ADAMTSL1: variants seen among roughly 807,000 people sequenced by gnomAD.
ADAMTSL1 encodes the protein ADAMTS like 1, also known as ADAMTS-like protein 1.
Under a neutral mutation model 201.8 loss-of-function variants are expected in ADAMTSL1, and 126 were observed. The observed-to-expected ratio is 0.62, with a 90% confidence interval of 0.54 to 0.72. The LOEUF is 0.72. Among genes scored for constraint, ADAMTSL1 ranks in the 30% least tolerant of loss-of-function variants. ADAMTSL1 has a pLI of 0.00. For synonymous variants in ADAMTSL1, 1,121 were observed against 903.4 expected (o/e 1.24, Z -4.32); for missense variants, 2,679 against 2,277.8 (o/e 1.18, Z -3.59).
At chr9:18,066,340 T>G (rs1366588987) in intron 1 of ADAMTSL1, among the ~76,000 whole-genome samples, 1 of 152,136 alleles carries the variant, frequency 6.6e-6, no homozygotes, top group African/African-American at 2.4e-5. Context: ...TAGTGTTCAG[T>G]TACATAGAGA....
chr9:18,675,690 G>C (rs1830093897), intron 9 of ADAMTSL1, among the ~76,000 whole-genome samples, 167 bp from the exon 10 acceptor site: 1 of 151,992 alleles, frequency 6.6e-6, no homozygotes, highest in Admixed American at 6.6e-5. Context: ...CCATCCTAAA[G>C]CATATCCTGG....
At chr9:18,652,958 G>A (rs903990146) in intron 7 of ADAMTSL1, among the ~76,000 whole-genome samples, 2 of 152,184 alleles carry the variant, frequency 1.3e-5, no homozygotes, top group African/African-American at 4.8e-5. Flanking sequence ...TTCTTGAGAG[G>A]AAAAGTTTAA....
chr9:18,141,180 C>T (rs139392396), intron 1 of ADAMTSL1, among the ~76,000 whole-genome samples: 198 of 152,250 alleles, frequency 1.3e-3, no homozygotes, highest in African/African-American at 4.5e-3. Flanking sequence ...CAGGTGGACA[C>T]GGTTTACCTT....
Position 18,503,419 on chromosome 9 carries a change from G to GTATATATATATATATATATATATA in ADAMTSL1, c.64-1409_64-1408insATATATATATATATATATATATAT, listed in dbSNP as rs1206500089. ...TTTTAAGGCTGAATAGTATTCCATT[G>GTATATATATATATATATATATATA]TGTATATATATATATATATATACCA... On this transcript the variant is annotated intron_variant, in intron 1 of 28. Transcript: ENST00000380548. 1.9e-3 allele frequency among the ~76,000 whole-genome samples: 111 copies of GTATATATATATATATATATATATA among 58,222 alleles called. 1 individual carries two copies. The highest frequency in any genetic ancestry group is 6.1e-3 in the African/African-American group (106 of 17,370). The allele number at this position is 58,222 out of a possible 152,430, so 38.2% of individuals were successfully genotyped here.
At chr9:18,212,551 T>G (rs1668798101) in intron 2 of ADAMTSL1, among the ~76,000 whole-genome samples, 1 of 152,162 alleles carries the variant, frequency 6.6e-6, no homozygotes, top group African/African-American at 2.4e-5. Flanking sequence ...CAGGCTGAAG[T>G]GTAGTTTTAA....
chr9:18,013,281 G>A (rs914000569), intron 1 of ADAMTSL1, among the ~76,000 whole-genome samples: 1 of 152,012 alleles, frequency 6.6e-6, no homozygotes, highest in Non-Finnish European at 1.5e-5. Flanking sequence ...AAGCCTAACA[G>A]AAATTTGACT....
intron 1 of ADAMTSL1, among the ~76,000 whole-genome samples, chr9:18,125,366 A>G (rs550197150): frequency 3.9e-5 from 6 of 152,260 alleles, no homozygotes; most frequent in African/African-American, 9.6e-5. Context: ...TCCCACGACC[A>G]TGTGGGAGTT....
chr9:17,978,183 T>C (rs1418320109), intron 1 of ADAMTSL1, among the ~76,000 whole-genome samples: 2 of 152,118 alleles, frequency 1.3e-5, no homozygotes, highest in Admixed American at 6.6e-5. Flanking sequence ...TTTATCCATG[T>C]GTGTCCTTAA....
intron 1 of ADAMTSL1, among the ~76,000 whole-genome samples, chr9:17,993,065 C>T (rs1241797152): frequency 1.3e-5 from 2 of 152,052 alleles, no homozygotes; most frequent in African/African-American, 2.4e-5. Flanking sequence ...ATGCTGTGTT[C>T]AAAAATGACA....
rs368569922 is a variant in ADAMTSL1, at chr9:18,074,511, C to CTTTTCTTTTCTTTTCTTTTCTT, written c.88-89349_88-89348insTTCTTTTCTTTTCTTTTCTTTT. Among the ~76,000 whole-genome samples, 810 of 93,562 alleles carry CTTTTCTTTTCTTTTCTTTTCTT rather than the reference C, an allele frequency of 8.7e-3. 20 individuals carry two copies. The highest frequency in any genetic ancestry group is 0.011 in the Admixed American group (108 of 9,990). 61.4% of individuals were successfully genotyped at this position (93,562 alleles called of 152,430 possible). A position where few individuals can be genotyped will look rare whatever the true frequency, so the allele number is the denominator to read the frequency against. On this transcript the variant is annotated intron_variant, in intron 1 of 29. Coordinates refer to the ADAMTSL1 transcript ENST00000680146. ...CTTTTCTTTTCTTTTCTTTTCTTTT[C>CTTTTCTTTTCTTTTCTTTTCTT]TTCTTTTCTTTTCTTTTCTTTTCTT...
intron 3 of ADAMTSL1, among the ~76,000 whole-genome samples, chr9:18,568,294 A>T (rs772624967): frequency 3.3e-5 from 5 of 152,214 alleles, no homozygotes; most frequent in Non-Finnish European, 7.3e-5. Context: ...TAAAAGATAC[A>T]GAAAGCCAAG....
intron 2 of ADAMTSL1, among the ~76,000 whole-genome samples, chr9:18,240,638 G>A (rs56290103): frequency 0.033 from 5,097 of 152,220 alleles, 130 homozygotes; most frequent in Non-Finnish European, 0.054. Flanking sequence ...TCTTCTTTCA[G>A]TATAAGATAT....
In ADAMTSL1 at chr9:18,712,615, A is replaced by G. The variant is rs1832683768; in HGVS notation, c.1876+5567A>G. ...GGGACTATGTGAAAAGACCAAATCT[A>G]TGTCTGATTGGTGTACCTGAAAGTG... is the stretch of plus-strand genomic sequence containing the variant. On this transcript the variant is annotated intron_variant, in intron 14 of 28. Coordinates refer to ENST00000380548, the MANE Select transcript of ADAMTSL1 (RefSeq NM_001040272.6). Among the ~76,000 whole-genome samples, 3 of 151,596 alleles carry G rather than the reference A, an allele frequency of 2.0e-5. No homozygotes were observed. The South Asian group carries it at 6.3e-4, about 32-fold the overall frequency.
intron 2 of ADAMTSL1, among the ~76,000 whole-genome samples, chr9:18,198,965 T>G (rs866214443): frequency 7.1e-6 from 1 of 140,818 alleles, no homozygotes; most frequent in African/African-American, 2.6e-5. Flanking sequence ...TGCAGGGACA[T>G]GGATGACATT....
intron 1 of ADAMTSL1, among the ~76,000 whole-genome samples, chr9:18,089,614 A>T (rs1823918866): frequency 1.3e-5 from 2 of 152,162 alleles, no homozygotes; most frequent in South Asian, 4.1e-4. Flanking sequence ...TTAATAAAAA[A>T]GGAAAAGTAT....
At chr9:18,167,420 TGGA>T (rs1341428020) in intron 2 of ADAMTSL1, among the ~76,000 whole-genome samples, 1 of 151,920 alleles carries the variant, frequency 6.6e-6, no homozygotes, top group Non-Finnish European at 1.5e-5. Flanking sequence ...TTTTGTGAAA[TGGA>T]GGTGAGCTTT....
intron 15 of ADAMTSL1, among the ~76,000 whole-genome samples, chr9:18,728,113 T>C (rs1818004611): frequency 6.6e-6 from 1 of 150,772 alleles, no homozygotes; most frequent in South Asian, 2.1e-4. Flanking sequence ...AATAAATAAA[T>C]AAATAAATAA....
At chr9:18,368,632 T>G (rs889250033) in intron 2 of ADAMTSL1, among the ~76,000 whole-genome samples, 3 of 152,208 alleles carry the variant, frequency 2.0e-5, no homozygotes, top group Non-Finnish European at 2.9e-5. Flanking sequence ...GCATTCTTTA[T>G]GCTCACATGC....
chr9:18,496,887 G>T (rs1822560583), intron 1 of ADAMTSL1, among the ~76,000 whole-genome samples: 1 of 152,206 alleles, frequency 6.6e-6, no homozygotes, highest in Non-Finnish European at 1.5e-5. Flanking sequence ...GGTTAGATTA[G>T]ATGGAAGTGG....
Sources: allele counts gnomAD v4.1 joint callset (sites outside exome capture counted in the v4.1 genomes callset), GRCh38; gene constraint gnomAD v4.1.1; transcripts MANE v1.5; gene names NCBI Gene and HGNC (gene_info 2026-07-23, HGNC 2026-07-21).